The following ADAMTS2 variants were observed in gnomAD, a reference collection of about 807,000 sequenced individuals.
ADAMTS2 encodes ADAM metallopeptidase with thrombospondin type 1 motif 2, also known as A disintegrin and metalloproteinase with thrombospondin motifs 2.
A neutral mutation model predicts 123.0 loss-of-function variants in ADAMTS2; 50 were observed. The observed-to-expected ratio is 0.41, with a 90% CI of 0.32 to 0.51. ADAMTS2 has a LOEUF of 0.51. Ranked by LOEUF, ADAMTS2 falls within the 20% of genes least tolerant of loss-of-function variation. ADAMTS2 has a pLI of 0.35. For synonymous variants in ADAMTS2, 678 were observed against 695.4 expected, an observed-to-expected ratio of 0.98 and a Z score of 0.39; for missense variants, 1,494 against 1,705.2, an observed-to-expected ratio of 0.88 and a Z score of 2.18.
chr5:179,163,750 T>G (rs1244915887), intron 5 of ADAMTS2, among the ~76,000 whole-genome samples: 1 of 152,162 alleles, frequency 6.6e-6, no homozygotes, highest in Non-Finnish European at 1.5e-5. Context: ...AATATTGATT[T>G]GTGTTTTTGT....
chr5:179,117,626 CA>C lies in ADAMTS2; in HGVS notation c.3179-3303del, dbSNP rs1406573861. ...GGAGTGCAGTGGCGTGATCTTGGCT[CA>C]CTGCAACCTCCGCCTCCTGGGTTCA... is the stretch of plus-strand genomic sequence containing the variant. On this transcript the variant is annotated intron_variant, in intron 21 of 21. Transcript: ENST00000251582. The surrounding 1 kb of genome is among the most constrained non-coding windows in gnomAD (Gnocchi z 4.2). Among the ~76,000 whole-genome samples, 1 of 150,418 alleles carries C rather than the reference CA, an allele frequency of 6.6e-6. No homozygotes were observed. The highest frequency in any genetic ancestry group is 1.5e-5 in the Non-Finnish European group (1 of 67,894).
intron 3 of ADAMTS2, among the ~76,000 whole-genome samples, chr5:179,267,128 C>G (rs114048458): frequency 0.035 from 5,272 of 152,248 alleles, 128 homozygotes; most frequent in Middle Eastern, 0.065. Flanking sequence ...CCACCCCCGC[C>G]GCCCACTCTT....
chr5:179,187,544 G>A (rs1012789029), intron 4 of ADAMTS2, among the ~76,000 whole-genome samples: 5 of 152,192 alleles, frequency 3.3e-5, no homozygotes, highest in African/African-American at 9.6e-5. Context: ...ATGACCCAGC[G>A]TAGGCCTGTG....
chr5:179,113,956 G>A lies in ADAMTS2; in HGVS notation c.3547C>T (p.Arg1183Ter), dbSNP rs781618824. The part of the protein sequence containing the change: ...EVQPPNLIPR[R>*]PSPYEKTRNQ... ...CTGGTCTTTTCATAGGGGCTCGGTC[G>A]TCGAGGGATTAGGTTGGGTGGCTGG... is the stretch of plus-strand genomic sequence containing the variant. The change falls in exon 22 of 22, where the codon CGA becomes TGA. Residue 1183 changes from arginine (R) to a stop codon, truncating the protein, a stop_gained. Transcript: ENST00000251582. LOFTEE classifies it high-confidence loss of function. The A allele has an allele frequency of 3.3e-5, 54 of 1,613,996 alleles. No homozygotes were observed. The highest frequency in any genetic ancestry group is 1.6e-4 in the Middle Eastern group (1 of 6,084).
chr5:179,217,784 G>C (rs1456223994), intron 3 of ADAMTS2, among the ~76,000 whole-genome samples: 1 of 120,990 alleles, frequency 8.3e-6, no homozygotes, highest in Non-Finnish European at 1.9e-5. Context: ...CACTCACTAG[G>C]GGATGGCGCA....
chr5:179,207,424 G>A (rs913999910), intron 4 of ADAMTS2, 89 bp downstream of exon 4: 1 of 1,392,036 alleles, frequency 7.2e-7, no homozygotes, highest in Non-Finnish European at 1.0e-6. Flanking sequence ...AGAGCCTCAG[G>A]GGACCTGGCC....
intron 10 of ADAMTS2, among the ~76,000 whole-genome samples, chr5:179,144,432 T>A (rs994611917): frequency 6.6e-6 from 1 of 152,176 alleles, no homozygotes; most frequent in Admixed American, 6.5e-5. Context: ...AAAATTCATA[T>A]GGAAAGTCAC....
intron 3 of ADAMTS2, among the ~76,000 whole-genome samples, chr5:179,232,009 C>A (rs1765422048): frequency 6.6e-6 from 1 of 152,032 alleles, no homozygotes; most frequent in South Asian, 2.1e-4. Context: ...TCAGCTTTTG[C>A]CAAAAATGAG....
At position 179,215,787 on chromosome 5, in the gene ADAMTS2, G is replaced by T. The variant is rs146704829; in HGVS notation, c.689-8072C>A. The stretch of plus-strand genomic sequence containing the variant: ...CGGAGAATAAGAAGGGGGAAAATCA[G>T]GTTACAGGAGAGGTCATAGACAAAG... On this transcript the variant is annotated intron_variant, in intron 3 of 21. Coordinates refer to ENST00000251582, the MANE Select transcript of ADAMTS2 (RefSeq NM_014244.5). Among the ~76,000 whole-genome samples, 256 of 152,214 alleles carry T rather than the reference G, an allele frequency of 1.7e-3. 2 individuals are homozygous for T. Among genetic ancestry groups the T allele is most frequent in the Non-Finnish European group, 3.3e-3 (221 of 67,996 alleles).
rs1290716021 is a variant in ADAMTS2, at chr5:179,180,223, A to G, written c.975+849T>C. Reference sequence around the variant, plus strand: ...GGCTCCTCTCTTCCTCTGTCTGCACAGCATCCCGTGTTGCCATCCCAGGTC... The same window carrying G: ...GGCTCCTCTCTTCCTCTGTCTGCACGGCATCCCGTGTTGCCATCCCAGGTC... On this transcript the variant is annotated intron_variant, in intron 5 of 21. Transcript: ENST00000251582. The surrounding 1 kb of genome is among the most constrained non-coding windows in gnomAD (Gnocchi z 4.6). Among the ~76,000 whole-genome samples, 2 of 152,186 alleles carry G rather than the reference A, an allele frequency of 1.3e-5. No individual in the cohort carries two copies. Among genetic ancestry groups the G allele is most frequent in the African/African-American group, 2.4e-5 (1 of 41,450 alleles).
At chr5:179,124,881 T>C (rs1488692101) in intron 19 of ADAMTS2, 92 bp downstream of exon 19, 3 of 1,595,962 alleles carry the variant, frequency 1.9e-6, no homozygotes, top group Non-Finnish European at 2.6e-6. Context: ...GGTGGTGTTG[T>C]GTAGCGGCTG....
chr5:179,207,963 T>C lies in ADAMTS2; in HGVS notation c.689-248A>G, dbSNP rs141834320. 0.011 allele frequency among the ~76,000 whole-genome samples: 1,749 copies of C among 152,258 alleles called. 13 individuals are homozygous for C. The highest frequency in any genetic ancestry group is 0.016 in the Non-Finnish European group (1,117 of 68,010). On this transcript the variant is annotated intron_variant, in intron 3 of 21. Transcript: ENST00000251582. ...GGACCGCTCGTTCCCCAGCCCCTGG[T>C]GGCAACCCCAGCCACAGCAGGGGCC...
rs542406377 is a variant in ADAMTS2, at chr5:179,344,390, T to A, written c.140-229A>T. 2.0e-5 allele frequency among the ~76,000 whole-genome samples: 3 copies of A among 152,242 alleles called. No individual in the cohort carries two copies. In the East Asian group the frequency reaches 5.8e-4, roughly 30 times the overall value. ...CCGCCACTCCCCAGCCGTTCCCTCC[T>A]CCGGAGACCTTGCCTGCCAAGAGCT... On this transcript the variant is annotated intron_variant, in intron 1 of 21. Coordinates refer to ENST00000251582, the MANE Select transcript of ADAMTS2 (RefSeq NM_014244.5).
At chr5:179,278,261 C>T (rs751816581) in intron 2 of ADAMTS2, among the ~76,000 whole-genome samples, 16 of 150,308 alleles carry the variant, frequency 1.1e-4, no homozygotes, top group Non-Finnish European at 2.2e-4. Context: ...GGGCACTTCA[C>T]GGAAGAAGTG....
At chr5:179,122,882 A>T in intron 19 of ADAMTS2, 109 bp from the exon 20 acceptor site, 1 of 1,505,664 alleles carries the variant, frequency 6.6e-7, no homozygotes, top group Non-Finnish European at 9.0e-7. Flanking sequence ...GCTCAGGAGG[A>T]GGTGTGGGAC....
At chr5:179,193,637 G>A (rs571035929) in intron 4 of ADAMTS2, among the ~76,000 whole-genome samples, 94 of 152,334 alleles carry the variant, frequency 6.2e-4, no homozygotes, top group Non-Finnish European at 1.2e-3. Context: ...GAGTCTCTGA[G>A]ATCACAGTCG....
At chr5:179,327,028 G>T (rs758000908) in intron 2 of ADAMTS2, among the ~76,000 whole-genome samples, 3 of 152,176 alleles carry the variant, frequency 2.0e-5, no homozygotes, top group Non-Finnish European at 4.4e-5. Flanking sequence ...GACTCCCAAG[G>T]CACCTGGAAC....
intron 2 of ADAMTS2, among the ~76,000 whole-genome samples, chr5:179,311,016 A>C (rs1368322852): frequency 2.7e-5 from 4 of 146,360 alleles, no homozygotes; most frequent in African/African-American, 7.7e-5. Context: ...GCCAAAGACC[A>C]CCCTCTCCAC....
intron 11 of ADAMTS2, among the ~76,000 whole-genome samples, chr5:179,138,885 G>A (rs1487304489): frequency 6.6e-6 from 1 of 152,234 alleles, no homozygotes; most frequent in Non-Finnish European, 1.5e-5. Flanking sequence ...AGGCCGGAGC[G>A]CAGCAGCCGG....
Sources: allele counts gnomAD v4.1 joint callset (sites outside exome capture counted in the v4.1 genomes callset), GRCh38; gene constraint gnomAD v4.1.1; non-coding constraint Gnocchi (gnomAD v3.1); transcripts MANE v1.5; gene names NCBI Gene and HGNC (gene_info 2026-07-23, HGNC 2026-07-21).